Variants in CTXN2 observed in about 807,000 individuals in gnomAD.
CTXN2 encodes cortexin 2.
A neutral mutation model predicts 5.7 loss-of-function variants in CTXN2; 3 were observed. That is an observed-to-expected ratio of 0.53 (90% CI 0.24 to 1.36). CTXN2 has a LOEUF of 1.36. CTXN2 is among the 40% of genes most tolerant of loss of function. The pLI is 0.17. For synonymous variants in CTXN2, 38 were observed against 36.4 expected (o/e 1.04, Z -0.16); for missense variants, 87 against 93.0 (o/e 0.94, Z 0.26).
intron 1 of CTXN2, among the ~76,000 whole-genome samples, chr15:48,198,541 G>T (rs371495146): frequency 6.6e-6 from 1 of 151,990 alleles, no homozygotes; most frequent in Non-Finnish European, 1.5e-5. Flanking sequence ...AGTATTATTC[G>T]CTGTATGATG....
intron 1 of CTXN2, among the ~76,000 whole-genome samples, chr15:48,181,087 CAATT>C (rs1482519395): frequency 6.6e-6 from 1 of 152,130 alleles, no homozygotes; most frequent in East Asian, 1.9e-4. Context: ...AAAATATTTT[CAATT>C]AATACCTTAA....
At chr15:48,189,350 A>C (rs2040790984), upstream of CTXN2, 1 of 152,234 alleles carries the variant, frequency 6.6e-6, no homozygotes, top group African/African-American at 2.4e-5. Context: ...TGTAATATCC[A>C]GATTTTAAAA....
intron 1 of CTXN2, chr15:48,192,090 GA>G: frequency 6.6e-6 from 2 of 305,106 alleles, no homozygotes; most frequent in South Asian, 2.9e-5. Context: ...CCAGGCGGGG[GA>G]AAAGTGTTGT....
chr15:48,196,886 G>T (rs2040884523), intron 1 of CTXN2, among the ~76,000 whole-genome samples: 1 of 151,766 alleles, frequency 6.6e-6, no homozygotes, highest in Middle Eastern at 3.2e-3. Flanking sequence ...GCTTTTTCAT[G>T]GTCTGTAATT....
chr15:48,196,712 T>A (rs1044973055), intron 1 of CTXN2, among the ~76,000 whole-genome samples: 13 of 152,112 alleles, frequency 8.5e-5, no homozygotes, highest in Non-Finnish European at 1.9e-4. Flanking sequence ...ATTAAACTCA[T>A]GTTAACTTTT....
chr15:48,201,921 C>T lies in CTXN2; in HGVS notation c.*375C>T, dbSNP rs1462528729. On this transcript the variant is annotated 3_prime_UTR_variant, in exon 2 of 2. Transcript: ENST00000417307. ...ATCCCCTCCACATTCCTGACTCAGA[C>T]CCCTTTAGCTTTAGTGAGTCAGGTC... 3 of 234,750 alleles carry T rather than the reference C, an allele frequency of 1.3e-5. No homozygotes were observed. The highest frequency in any genetic ancestry group is 6.9e-5 in the African/African-American group (3 of 43,772). The allele number at this position is 234,750 out of a possible 1,614,324, so 14.5% of individuals were successfully genotyped here. A position where few individuals can be genotyped will look rare whatever the true frequency, so the allele number is the denominator to read the frequency against.
intron 1 of CTXN2, among the ~76,000 whole-genome samples, chr15:48,186,325 A>G (rs907252505): frequency 6.6e-6 from 1 of 152,244 alleles, no homozygotes; most frequent in South Asian, 2.1e-4. Flanking sequence ...CTCATTTTCA[A>G]TGGGACTCAT....
intron 1 of CTXN2, among the ~76,000 whole-genome samples, chr15:48,195,324 C>A (rs2040866817): frequency 6.6e-6 from 1 of 152,020 alleles, no homozygotes; most frequent in Non-Finnish European, 1.5e-5. Context: ...TACATCTACT[C>A]CCTAGTGGAG....
At chr15:48,197,691 C>T (rs1036855528) in intron 1 of CTXN2, among the ~76,000 whole-genome samples, 3 of 151,906 alleles carry the variant, frequency 2.0e-5, no homozygotes, top group African/African-American at 7.2e-5. Context: ...CAGCATTTTC[C>T]CTAGTTATAC....
intron 1 of CTXN2, chr15:48,178,613 A>C (rs946625321): frequency 4.6e-6 from 1 of 215,938 alleles, no homozygotes; most frequent in African/African-American, 2.3e-5. Flanking sequence ...TAGACATCAA[A>C]GCCCTAACAC....
chr15:48,192,813 A>G (rs2140979152), intron 1 of CTXN2, among the ~76,000 whole-genome samples: 1 of 152,330 alleles, frequency 6.6e-6, no homozygotes, highest in Non-Finnish European at 1.5e-5. Context: ...CTGTTGATTA[A>G]AATAAAACAC....
Position 48,201,516 on chromosome 15 carries a change from T to C in CTXN2, c.216T>C (p.Asp72=), listed in dbSNP as rs2140991609. The C allele has an allele frequency of 6.4e-7, 1 of 1,551,226 alleles. No individual in the cohort carries two copies. Among genetic ancestry groups the C allele is most frequent in the South Asian group, 1.2e-5 (1 of 84,058 alleles). ...STWEDEVEEF[D]KGTFEYALA is the part of the protein sequence containing the mutation. ...GGGAAGATGAAGTTGAAGAGTTTGATAAAGGGACATTTGAATATGCACTCG... is the reference window on the plus strand; with the variant it reads ...GGGAAGATGAAGTTGAAGAGTTTGACAAAGGGACATTTGAATATGCACTCG... Residue 72 remains aspartate (D), a synonymous_variant, in exon 2 of 2, where the codon GAT becomes GAC. Coordinates refer to ENST00000417307, the MANE Select transcript of CTXN2 (RefSeq NM_001145668.2).
chr15:48,187,698 T>G (rs1327069388), upstream of CTXN2, among the ~76,000 whole-genome samples: 1 of 152,202 alleles, frequency 6.6e-6, no homozygotes, highest in Non-Finnish European at 1.5e-5. Context: ...TGTTTTCAGT[T>G]TCTTTGTGAC....
chr15:48,201,526 T>G lies in CTXN2; in HGVS notation c.226T>G (p.Phe76Val). 1 of 1,551,178 alleles carries G rather than the reference T, an allele frequency of 6.4e-7. No individual in the cohort carries two copies. The highest frequency in any genetic ancestry group is 8.7e-7 in the Non-Finnish European group (1 of 1,146,562). The change falls in exon 2 of 2, where the codon TTT (phenylalanine) becomes GTT (valine). Residue 76 changes from phenylalanine (F) to valine (V), a missense_variant. Physicochemically the swap from Phe to Val is conservative, Grantham distance 50. Coordinates refer to ENST00000417307, the MANE Select transcript of CTXN2 (RefSeq NM_001145668.2). ...AGTTGAAGAGTTTGATAAAGGGACA[T>G]TTGAATATGCACTCGCGTGAGAGTT... ...DEVEEFDKGT[F>V]EYALA
chr15:48,199,146 T>C lies in CTXN2; in HGVS notation c.-57-2098T>C, dbSNP rs1255359328. Among the ~76,000 whole-genome samples, 3 of 152,102 alleles carry C rather than the reference T, an allele frequency of 2.0e-5. No individual in the cohort carries two copies. The East Asian group carries it at 5.8e-4, about 29-fold the overall frequency. On this transcript the variant is annotated intron_variant, in intron 1 of 1. Coordinates refer to ENST00000417307, the MANE Select transcript of CTXN2 (RefSeq NM_001145668.2). Reference sequence around the variant, plus strand: ...TCTAGAACTCTGAAGCTAAAATAGATTTTAGAGTTGACCCCCTTTGATACA... The same window carrying C: ...TCTAGAACTCTGAAGCTAAAATAGACTTTAGAGTTGACCCCCTTTGATACA...
intron 1 of CTXN2, among the ~76,000 whole-genome samples, chr15:48,180,551 A>G (rs1378345449): frequency 6.6e-6 from 1 of 152,074 alleles, no homozygotes; most frequent in Non-Finnish European, 1.5e-5. Flanking sequence ...TCGCTCTGTC[A>G]CCCAGGCTGG....
intron 1 of CTXN2, among the ~76,000 whole-genome samples, chr15:48,181,421 A>G (rs920652715): frequency 3.3e-5 from 5 of 152,098 alleles, no homozygotes; most frequent in African/African-American, 4.8e-5. Context: ...CTCACACAAC[A>G]CTTCCGCTTA....
intron 1 of CTXN2, among the ~76,000 whole-genome samples, chr15:48,181,373 CAGA>C (rs2040700703): frequency 6.6e-6 from 1 of 152,054 alleles, no homozygotes; most frequent in African/African-American, 2.4e-5. Flanking sequence ...CATTGTAGGT[CAGA>C]AGGAGTCCAG....
At chr15:48,178,925 C>A (rs1889655554) in intron 1 of CTXN2, among the ~76,000 whole-genome samples, 1 of 151,698 alleles carries the variant, frequency 6.6e-6, no homozygotes, top group African/African-American at 2.4e-5. Context: ...CAGTTTTTCT[C>A]TGGACATCAA....
Sources: gnomAD v4.1 joint callset for allele counts (sites outside exome capture counted in the v4.1 genomes callset) on GRCh38, gnomAD v4.1.1 for gene constraint, MANE v1.5 for transcripts, NCBI Gene and HGNC (gene_info 2026-07-23, HGNC 2026-07-21) for gene names.